Variants in FLT3LG observed in about 807,000 individuals in gnomAD.
FLT3LG encodes the protein fms related receptor tyrosine kinase 3 ligand.
Under a neutral mutation model 30.9 loss-of-function variants are expected in FLT3LG, and 8 were observed. The ratio of observed to expected loss-of-function variants is 0.26; its 90% CI spans 0.15 to 0.47. The LOEUF is 0.47. Among genes scored for constraint, FLT3LG ranks in the 20% least tolerant of loss-of-function variants. The pLI is 0.99. For missense variants in FLT3LG, 278 were observed against 306.2 expected, an observed-to-expected ratio of 0.91 and a Z score of 0.69; for synonymous variants, 123 against 135.9, an observed-to-expected ratio of 0.91 and a Z score of 0.66.
chr19:49,474,347 G>A, intron 1 of FLT3LG, 66 bp downstream of exon 1: 1 of 560,820 alleles, frequency 1.8e-6, no homozygotes, highest in Non-Finnish European at 3.2e-6. Context: ...TCCTGGGGCA[G>A]GGGGAGCAGA....
intron 8 of FLT3LG, among the ~76,000 whole-genome samples, chr19:49,482,730 C>A (rs745768981): frequency 6.6e-6 from 1 of 151,108 alleles, no homozygotes; most frequent in Non-Finnish European, 1.5e-5. Flanking sequence ...CGGGTTCAAG[C>A]GATTCTCCTG....
rs1568671257 is a variant in FLT3LG, at chr19:49,478,789, CTG to C, written c.343-119_343-118del. ...AATTAATTAATTAAATAAATAAACTCTGAGAGCCAGAGCTCACTGGGCCCTGT... is the reference window on the plus strand; with the variant it reads ...AATTAATTAATTAAATAAATAAACTCAGAGCCAGAGCTCACTGGGCCCTGT... On this transcript the variant is annotated intron_variant, in intron 5 of 8. Transcript: ENST00000597551. 5 of 882,608 alleles carry C rather than the reference CTG, an allele frequency of 5.7e-6. No homozygotes were observed. In the South Asian group the frequency reaches 1.1e-4, roughly 20 times the overall value. The allele number at this position is 882,608 out of a possible 1,614,324, so 54.7% of individuals were successfully genotyped here.
intron 3 of FLT3LG, 41 bp downstream of exon 3, chr19:49,475,842 TC>T (rs753936273): frequency 2.6e-6 from 4 of 1,510,900 alleles, no homozygotes; most frequent in Admixed American, 3.5e-5. Flanking sequence ...TGATCCCCCT[TC>T]CCCCCACTTT....
intron 5 of FLT3LG, among the ~76,000 whole-genome samples, chr19:49,477,808 G>C (rs2079445899): frequency 6.6e-6 from 1 of 152,068 alleles, no homozygotes; most frequent in African/African-American, 2.4e-5. Flanking sequence ...AGCACTTTGG[G>C]AGCCCGAGGC....
At chr19:49,477,492 A>G (rs1364326723) in intron 5 of FLT3LG, among the ~76,000 whole-genome samples, 2 of 151,934 alleles carry the variant, frequency 1.3e-5, no homozygotes, top group African/African-American at 2.4e-5. Context: ...TAATCCCAGC[A>G]CTTTGGGAGG....
intron 6 of FLT3LG, 147 bp downstream of exon 6, chr19:49,479,194 A>ATTTTTT: frequency 1.3e-5 from 6 of 475,258 alleles, no homozygotes; most frequent in Non-Finnish European, 1.3e-5. Flanking sequence ...CAGTTTACCA[A>ATTTTTT]TTTTTTTTTT....
At chr19:49,479,277 C>G (rs1308542674) in intron 6 of FLT3LG, among the ~76,000 whole-genome samples, 1 of 150,228 alleles carries the variant, frequency 6.7e-6, no homozygotes. Context: ...TCACTGCAAG[C>G]TCCGCCTCTC....
intron 8 of FLT3LG, among the ~76,000 whole-genome samples, chr19:49,483,627 T>C (rs569828648): frequency 2.0e-5 from 3 of 151,474 alleles, no homozygotes; most frequent in African/African-American, 7.3e-5. Flanking sequence ...GGAGGCAAAG[T>C]AGGAGGATTG....
chr19:49,476,750 G>A lies in FLT3LG; in HGVS notation c.342+184G>A. On this transcript the variant is annotated intron_variant, in intron 5 of 8. Transcript: ENST00000597551. The surrounding 1 kb of genome is among the most constrained non-coding windows in gnomAD (Gnocchi z 5.3). The stretch of plus-strand genomic sequence containing the variant: ...ACACGTCCCCAGGCACCGGTGATGG[G>A]GAGCAGTCTGGTCCCATTCTGGGGC... 1.4e-6 allele frequency: 1 copy of A among 734,298 alleles called. No homozygotes were observed. The highest frequency in any genetic ancestry group is 2.2e-6 in the Non-Finnish European group (1 of 462,300). The allele number at this position is 734,298 out of a possible 1,614,324, so 45.5% of individuals were successfully genotyped here.
At chr19:49,484,451 C>A (rs1002356045) in intron 8 of FLT3LG, among the ~76,000 whole-genome samples, 1 of 151,808 alleles carries the variant, frequency 6.6e-6, no homozygotes, top group Non-Finnish European at 1.5e-5. Flanking sequence ...CCTGCCACCA[C>A]GCCCAACTAA....
Position 49,476,779 on chromosome 19 carries a change from G to A in FLT3LG, c.342+213G>A, listed in dbSNP as rs529262853. On this transcript the variant is annotated intron_variant, in intron 5 of 8. Coordinates refer to ENST00000597551, the MANE Select transcript of FLT3LG (RefSeq NM_001459.4). The surrounding 1 kb of genome is among the most constrained non-coding windows in gnomAD (Gnocchi z 5.3). The stretch of plus-strand genomic sequence containing the variant: ...CAGTCTGGTCCCATTCTGGGGCCCC[G>A]GTTTCCTAGGCCATGATGAAGGGTG... The A allele has an allele frequency of 1.4e-5, 8 of 569,346 alleles. No homozygotes were observed. The highest frequency in any genetic ancestry group is 9.9e-5 in the East Asian group (3 of 30,238). The allele number at this position is 569,346 out of a possible 1,614,324, so 35.3% of individuals were successfully genotyped here.
intron 5 of FLT3LG, among the ~76,000 whole-genome samples, chr19:49,477,641 C>T (rs2079440392): frequency 6.6e-6 from 1 of 152,092 alleles, no homozygotes; most frequent in Non-Finnish European, 1.5e-5. Flanking sequence ...ACTTGGGAGA[C>T]TGAGGCAGGA....
At position 49,476,487 on chromosome 19, in the gene FLT3LG, CTG is replaced by C. The variant is rs2079399229; in HGVS notation, c.265_266del (p.Val89ArgfsTer217). ...CAGCGCTGGATGGAGCGGCTCAAGA[CTG>C]TCGCTGGGTCCAAGATGCAAGGCTT... On this transcript the variant is annotated frameshift_variant, in exon 5 of 9. Coordinates refer to ENST00000597551, the MANE Select transcript of FLT3LG (RefSeq NM_001459.4). LOFTEE classifies it high-confidence loss of function. This position sits in a 1 kb window ranked among gnomAD's most constrained non-coding sequence, Gnocchi z 5.3. 6.2e-7 allele frequency: 1 copy of C among 1,614,182 alleles called. No homozygotes were observed. The highest frequency in any genetic ancestry group is 2.2e-5 in the East Asian group (1 of 44,886).
rs2079572711 is a variant in FLT3LG at position 49,480,638 on chromosome 19, T to A, written c.*21+18T>A. ...TCATCCTGGTGAGTCCTTCCTGGGC[T>A]ATGGGGCCTGGACTTTGTGTCTGCA... is the stretch of plus-strand genomic sequence containing the variant. On this transcript the variant is annotated intron_variant, in intron 8 of 8. Coordinates refer to ENST00000597551, the MANE Select transcript of FLT3LG (RefSeq NM_001459.4). 1 of 1,595,640 alleles carries A rather than the reference T, an allele frequency of 6.3e-7. No homozygotes were observed. Among genetic ancestry groups the A allele is most frequent in the Non-Finnish European group, 8.5e-7 (1 of 1,170,622 alleles).
chr19:49,484,030 G>A (rs998223863), intron 8 of FLT3LG, among the ~76,000 whole-genome samples: 3 of 150,796 alleles, frequency 2.0e-5, no homozygotes, highest in African/African-American at 7.3e-5. Flanking sequence ...GACTACAGGC[G>A]CGTGCCACCA....
rs1220784261 is a variant in FLT3LG, at chr19:49,475,233, AGAG to A, written c.34-453_34-451del. 5.2e-5 allele frequency among the ~76,000 whole-genome samples: 5 copies of A among 95,680 alleles called. No homozygotes were observed. The East Asian group carries it at 1.9e-3, about 36-fold the overall frequency. 62.8% of individuals were successfully genotyped at this position (95,680 alleles called of 152,430 possible). A position where few individuals can be genotyped will look rare whatever the true frequency, so the allele number is the denominator to read the frequency against. On this transcript the variant is annotated intron_variant, in intron 2 of 8. Coordinates refer to ENST00000597551, the MANE Select transcript of FLT3LG (RefSeq NM_001459.4). ...GAGACAGAGGAGGGGGGAGATGGAC[AGAG>A]GAGGGGGAGATGGACAGAAAAGGGG...
At position 49,479,062 on chromosome 19, in the gene FLT3LG, GC is replaced by G; in HGVS notation, c.481+16del. On this transcript the variant is annotated intron_variant, in intron 6 of 8. Coordinates refer to ENST00000597551, the MANE Select transcript of FLT3LG (RefSeq NM_001459.4). ...GTGTCAGCCCGGTAAAGGCTTCCAG[GC>G]ACCCCCACTCCTTCCCCTCCTGTCC... The G allele has an allele frequency of 6.2e-7, 1 of 1,600,600 alleles. No homozygotes were observed. Among genetic ancestry groups the G allele is most frequent in the Non-Finnish European group, 8.5e-7 (1 of 1,173,388 alleles).
At position 49,479,065 on chromosome 19, in the gene FLT3LG, C is replaced by T. The variant is rs751311198; in HGVS notation, c.481+18C>T. On this transcript the variant is annotated intron_variant, in intron 6 of 8. Coordinates refer to ENST00000597551, the MANE Select transcript of FLT3LG (RefSeq NM_001459.4). ...TCAGCCCGGTAAAGGCTTCCAGGCA[C>T]CCCCACTCCTTCCCCTCCTGTCCTC... 20 of 1,597,002 alleles carry T rather than the reference C, an allele frequency of 1.3e-5. No individual in the cohort carries two copies. In the African/African-American group the frequency reaches 2.2e-4, roughly 17 times the overall value.
At chr19:49,474,998 AGAGGAGGGAGGTGGACAG>A (rs1299078085) in intron 2 of FLT3LG, among the ~76,000 whole-genome samples, 11 of 109,710 alleles carry the variant, frequency 1.0e-4, no homozygotes, top group Non-Finnish European at 5.3e-5. Context: ...AGGGAGATAA[AGAGGAGGGAGGTGGACAG>A]GAGGAGGGAG....
Sources: allele counts gnomAD v4.1 joint callset (sites outside exome capture counted in the v4.1 genomes callset), GRCh38; gene constraint gnomAD v4.1.1; non-coding constraint Gnocchi (gnomAD v3.1); transcripts MANE v1.5; gene names NCBI Gene and HGNC (gene_info 2026-07-23, HGNC 2026-07-21).